The following BTAF1 variants were observed in gnomAD, a reference collection of about 807,000 sequenced individuals.
The protein encoded by BTAF1 is TATA-binding protein-associated factor 172.
Under a neutral mutation model 227.1 loss-of-function variants are expected in BTAF1, and 38 were observed. That is an observed-to-expected ratio of 0.17 (90% CI 0.13 to 0.22). The LOEUF is 0.22. Among genes scored for constraint, BTAF1 ranks in the 10% least tolerant of loss-of-function variants. The pLI, the probability that BTAF1 is intolerant of heterozygous loss-of-function variation, is 1.00. For synonymous variants in BTAF1, 742 were observed against 751.9 expected, an observed-to-expected ratio of 0.99 and a Z score of 0.21; for missense variants, 1,598 against 2,204.0, an observed-to-expected ratio of 0.73 and a Z score of 5.51.
At chr10:91,952,121 T>A (rs528600550) in intron 5 of BTAF1, among the ~76,000 whole-genome samples, 110 of 151,770 alleles carry the variant, frequency 7.2e-4, no homozygotes, top group Non-Finnish European at 1.5e-3. Context: ...AGTGCATGTG[T>A]TTGTGTGTGT....
intron 34 of BTAF1, among the ~76,000 whole-genome samples, chr10:92,021,875 C>T (rs1338435510): frequency 6.6e-6 from 1 of 152,032 alleles, no homozygotes. Flanking sequence ...TTGACCACTA[C>T]AAGTGGAAGA....
intron 20 of BTAF1, among the ~76,000 whole-genome samples, chr10:91,991,723 C>A (rs1589898929): frequency 6.6e-6 from 1 of 150,750 alleles, no homozygotes; most frequent in East Asian, 2.0e-4. Flanking sequence ...GTACTGCACT[C>A]CAGCCTGGGC....
intron 13 of BTAF1, among the ~76,000 whole-genome samples, chr10:91,966,233 C>A (rs540742324): frequency 3.9e-5 from 6 of 152,102 alleles, no homozygotes; most frequent in African/African-American, 1.4e-4. Flanking sequence ...TGTATCTACC[C>A]GTTGGGGTTA....
Position 92,030,685 on chromosome 10 carries a change from T to C in BTAF1, c.*1752T>C, listed in dbSNP as rs1851836140. On this transcript the variant is annotated 3_prime_UTR_variant, in exon 38 of 38. Transcript: ENST00000265990. ...TTAGGCTGTTTAAACTTTCTGAGAG[T>C]TTAATCAAAAGGTGTGTATTTCTAG... Among the ~76,000 whole-genome samples the C allele has an allele frequency of 6.6e-6, 1 of 152,056 alleles. No homozygotes were observed. The highest frequency in any genetic ancestry group is 2.4e-5 in the African/African-American group (1 of 41,412).
At chr10:91,990,470 C>T (rs774465583) in intron 20 of BTAF1, among the ~76,000 whole-genome samples, 12 of 151,802 alleles carry the variant, frequency 7.9e-5, no homozygotes, top group Non-Finnish European at 1.5e-4. Flanking sequence ...TAATATTTCT[C>T]GTTATGCTTA....
intron 3 of BTAF1, among the ~76,000 whole-genome samples, chr10:91,940,413 AG>A (rs1470960231): frequency 2.0e-5 from 3 of 152,172 alleles, no homozygotes; most frequent in East Asian, 1.9e-4. Context: ...CTGGGAGAAT[AG>A]TATAGGGTAG....
At chr10:91,955,451 A>T (rs889792034) in intron 6 of BTAF1, among the ~76,000 whole-genome samples, 1 of 152,138 alleles carries the variant, frequency 6.6e-6, no homozygotes, top group African/African-American at 2.4e-5. Flanking sequence ...ATATGTGTGT[A>T]TATATATAAA....
At chr10:91,950,152 G>A (rs926646512) in intron 4 of BTAF1, among the ~76,000 whole-genome samples, 3 of 86,140 alleles carry the variant, frequency 3.5e-5, no homozygotes, top group East Asian at 1.0e-3. Context: ...CCTTTGTGGG[G>A]GGGGGCGGGA....
chr10:92,018,787 T>C lies in BTAF1; in HGVS notation c.4715T>C (p.Leu1572Ser). 1.3e-6 allele frequency: 2 copies of C among 1,548,346 alleles called. No homozygotes were observed. Among genetic ancestry groups the C allele is most frequent in the East Asian group, 2.3e-5 (1 of 43,234 alleles). Residue 1572 changes from leucine (L) to serine (S), a missense_variant, in exon 34 of 38, where the codon TTA (leucine) becomes TCA (serine). Leu to Ser is a moderately radical substitution (Grantham distance 145). This residue lies in a region of BTAF1 where 205 missense variants were observed against 244.5 expected (regional missense o/e 0.84). Coordinates refer to ENST00000265990, the MANE Select transcript of BTAF1 (RefSeq NM_003972.3). ...ACTTTTTTTTTCCTCTTGAAGGCAT[T>C]ACAGTACTTACGTAAACTGTGCAAC... is the stretch of plus-strand genomic sequence containing the variant. ...LKATGHVFQA[L>S]QYLRKLCNHP...
chr10:91,987,971 A>C (rs544238384), intron 19 of BTAF1, among the ~76,000 whole-genome samples: 3 of 152,130 alleles, frequency 2.0e-5, no homozygotes, highest in Non-Finnish European at 1.5e-5. Flanking sequence ...ATAAACTTCA[A>C]TTCCACAGAC....
At chr10:91,986,890 A>G (rs1020161329) in intron 19 of BTAF1, among the ~76,000 whole-genome samples, 4 of 152,000 alleles carry the variant, frequency 2.6e-5, no homozygotes, top group Non-Finnish European at 5.9e-5. Context: ...GCAGTTTTCA[A>G]AGGAGCCACT....
intron 6 of BTAF1, among the ~76,000 whole-genome samples, chr10:91,954,362 A>G (rs1300819264): frequency 3.3e-5 from 5 of 152,168 alleles, no homozygotes; most frequent in African/African-American, 9.7e-5. Context: ...TAAATAGCCA[A>G]TGATAATCTA....
intron 30 of BTAF1, among the ~76,000 whole-genome samples, chr10:92,012,682 A>T (rs960458507): frequency 2.0e-5 from 3 of 150,456 alleles, no homozygotes; most frequent in Non-Finnish European, 4.4e-5. Context: ...GAGGCAAGAG[A>T]ATCACTTGAA....
At position 92,018,918 on chromosome 10, in the gene BTAF1, C is replaced by A. The variant is rs1423982373; in HGVS notation, c.4846C>A (p.Leu1616Ile). 1.3e-6 allele frequency: 2 copies of A among 1,580,356 alleles called. No individual in the cohort carries two copies. The highest frequency in any genetic ancestry group is 3.8e-5 in the Admixed American group (2 of 52,014). ...SLHDIQHAPK[L>I]SALKQLLLDC... ...ACATGATATTCAACATGCCCCTAAG[C>A]TCTCAGCTTTGAAACAAGTATGTAT... The change falls in exon 34 of 38, where the codon CTC (leucine) becomes ATC (isoleucine). Residue 1616 changes from leucine (L) to isoleucine (I), a missense_variant. Around this residue, in one of 10 missense-constraint regions of BTAF1, gnomAD observed 205 missense variants for 244.5 expected, o/e 0.84. Coordinates refer to ENST00000265990, the MANE Select transcript of BTAF1 (RefSeq NM_003972.3).
intron 2 of BTAF1, 49 bp downstream of exon 2, chr10:91,935,829 T>C: frequency 1.7e-5 from 24 of 1,439,804 alleles, no homozygotes; most frequent in Non-Finnish European, 2.2e-5. Context: ...TAGAGACTTA[T>C]TCATGGATAG....
chr10:92,020,752 TA>T (rs1330880499), intron 34 of BTAF1, among the ~76,000 whole-genome samples: 3 of 152,208 alleles, frequency 2.0e-5, no homozygotes, highest in Non-Finnish European at 2.9e-5. Flanking sequence ...TTTCCTAACA[TA>T]GCTAGTATAT....
chr10:91,964,515 T>C (rs1846742188), intron 13 of BTAF1, among the ~76,000 whole-genome samples: 1 of 152,182 alleles, frequency 6.6e-6, no homozygotes. Context: ...GAACGTAGAA[T>C]TTTAGCTTTA....
chr10:91,962,690 A>G lies in BTAF1; in HGVS notation c.1404+12A>G. 1.9e-6 allele frequency: 3 copies of G among 1,577,922 alleles called. No homozygotes were observed. The highest frequency in any genetic ancestry group is 2.3e-5 in the East Asian group (1 of 44,274). On this transcript the variant is annotated intron_variant, in intron 12 of 37. Transcript: ENST00000265990. ...TTCAGACACAAAAGGTAAATTAAAT[A>G]TTTTTACAGTTTCTTACTATAGAGC...
At chr10:91,998,177 C>T (rs1040535857) in intron 25 of BTAF1, among the ~76,000 whole-genome samples, 14 of 147,600 alleles carry the variant, frequency 9.5e-5, no homozygotes, top group Non-Finnish European at 4.5e-5. Context: ...TGTTAAAGAA[C>T]ATGTCAGGCT....
Sources: gnomAD v4.1 joint callset for allele counts (sites outside exome capture counted in the v4.1 genomes callset) on GRCh38, gnomAD v4.1.1 for gene constraint, gnomAD v4.1.1 regional missense constraint, MANE v1.5 for transcripts, NCBI Gene and HGNC (gene_info 2026-07-23, HGNC 2026-07-21) for gene names.